Variants in DNAH17 observed in about 807,000 individuals in gnomAD.
DNAH17 encodes axonemal beta dynein heavy chain 17.
In DNAH17, 376 loss-of-function variants were observed where a neutral mutation model predicts 485.6. The observed-to-expected ratio is 0.77, with a 90% confidence interval of 0.71 to 0.84. DNAH17 has a LOEUF of 0.84. DNAH17 is among the 40% of genes least tolerant of loss of function. DNAH17 has a pLI of 0.00. For missense variants in DNAH17, 6,370 were observed against 5,839.3 expected, an observed-to-expected ratio of 1.09 and a Z score of -2.96; for synonymous variants, 3,031 against 2,405.9, an observed-to-expected ratio of 1.26 and a Z score of -7.60.
At chr17:78,453,827 A>G (rs1316484255) in intron 64 of DNAH17, among the ~76,000 whole-genome samples, 1 of 152,190 alleles carries the variant, frequency 6.6e-6, no homozygotes, top group African/African-American at 2.4e-5. Flanking sequence ...AGCTGGGACT[A>G]CAGGCTCATG....
At chr17:78,497,290 ACTCGCGGTAAAG>A (rs1287481741) in intron 37 of DNAH17, among the ~76,000 whole-genome samples, 1 of 151,938 alleles carries the variant, frequency 6.6e-6, no homozygotes, top group African/African-American at 2.4e-5. Flanking sequence ...GGGGCCCAAT[ACTCGCGGTAAAG>A]CTGCTCCCAG....
Position 78,494,808 on chromosome 17 carries a change from A to C in DNAH17, c.6055T>G (p.Trp2019Gly), listed in dbSNP as rs1362766219. Residue 2019 changes from tryptophan to glycine, a missense_variant, in exon 40 of 81, where the codon TGG (tryptophan) becomes GGG (glycine). Trp to Gly is a radical substitution (Grantham distance 184, BLOSUM62 -2). Coordinates refer to ENST00000389840, the MANE Select transcript of DNAH17 (RefSeq NM_173628.4). ...ACAGACTTGATGGCTCTCAGGCCCC[A>C]GTCGTAATGATCCTGCGGGCAGTGG... ...ELLSKQDHYD[W>G]GLRAIKSVLV... 1.2e-6 allele frequency: 2 copies of C among 1,607,020 alleles called. No individual in the cohort carries two copies. The highest frequency in any genetic ancestry group is 8.5e-7 in the Non-Finnish European group (1 of 1,175,578).
At chr17:78,543,095 G>A (rs866344494) in intron 17 of DNAH17, among the ~76,000 whole-genome samples, 1 of 145,262 alleles carries the variant, frequency 6.9e-6, no homozygotes, top group South Asian at 2.3e-4. Flanking sequence ...GATAAGGCTC[G>A]CTTGGATTAA....
rs1053167708 is a variant in DNAH17 at position 78,426,833 on chromosome 17, G to A, written c.12771+93C>T. 7 of 1,452,520 alleles carry A rather than the reference G, an allele frequency of 4.8e-6. No individual in the cohort carries two copies. In the African/African-American group the frequency reaches 9.9e-5, roughly 20 times the overall value. 90.0% of individuals were successfully genotyped at this position (1,452,520 alleles called of 1,614,324 possible). On this transcript the variant is annotated intron_variant, in intron 78 of 80. Coordinates refer to ENST00000389840, the MANE Select transcript of DNAH17 (RefSeq NM_173628.4). ...GAGGGAGCAGTACCATGCTGATCCG[G>A]GGCCTGTGCTAGGCCTGGGTTGCCA...
Position 78,462,944 on chromosome 17 carries a change from T to C in DNAH17, c.9074A>G (p.Lys3025Arg), listed in dbSNP as rs746652647. Residue 3025 changes from lysine (K) to arginine (R), a missense_variant, in exon 57 of 81, where the codon AAA (lysine) becomes AGA (arginine). Transcript: ENST00000389840. Reference sequence around the variant, plus strand: ...CTTGGCCAGCAGGTTCTGGTACAGTTTGATCTGCTCCAGAAAGGTTTTGGG... The same window carrying C: ...CTTGGCCAGCAGGTTCTGGTACAGTCTGATCTGCTCCAGAAAGGTTTTGGG... ...TTPKTFLEQI[K>R]LYQNLLAKKR... 1.5e-5 allele frequency: 24 copies of C among 1,613,900 alleles called. No homozygotes were observed. The highest frequency in any genetic ancestry group is 1.1e-4 in the East Asian group (5 of 44,898).
intron 75 of DNAH17, among the ~76,000 whole-genome samples, chr17:78,429,853 G>A (rs1002926198): frequency 2.0e-5 from 3 of 152,202 alleles, no homozygotes; most frequent in African/African-American, 4.8e-5. Flanking sequence ...CCCTGTGGAA[G>A]TAGAGTCCTT....
chr17:78,425,706 G>T, intron 79 of DNAH17, 135 bp from the exon 80 acceptor site: 1 of 710,486 alleles, frequency 1.4e-6, no homozygotes, highest in Non-Finnish European at 2.2e-6. Flanking sequence ...GCTGGACAGA[G>T]TAGGGGCCAT....
Position 78,558,119 on chromosome 17 carries a change from A to G in DNAH17, c.2167T>C (p.Trp723Arg), listed in dbSNP as rs1482224917. Residue 723 changes from tryptophan (W) to arginine (R), a missense_variant, in exon 14 of 81, where the codon TGG (tryptophan) becomes CGG (arginine). Trp to Arg is a moderately radical substitution (Grantham distance 101). Coordinates refer to ENST00000389840, the MANE Select transcript of DNAH17 (RefSeq NM_173628.4). ...FVGNLELIVG[W>R]YNEIKTIVKA... ...ACTCACCAACTCACCTCATTATACC[A>G]GCCAACGATGAGCTCCAGGTTGCCC... The G allele has an allele frequency of 6.2e-6, 10 of 1,613,454 alleles. No homozygotes were observed. In the South Asian group the frequency reaches 1.1e-4, roughly 18 times the overall value.
intron 25 of DNAH17, chr17:78,522,389 T>C: frequency 3.5e-6 from 1 of 285,364 alleles, no homozygotes; most frequent in African/African-American, 2.3e-5. Context: ...GAAGAGGGAC[T>C]TTTTAATATG....
intron 66 of DNAH17, among the ~76,000 whole-genome samples, 162 bp downstream of exon 66, chr17:78,451,307 C>G (rs569045208): frequency 1.3e-5 from 2 of 152,318 alleles, no homozygotes; most frequent in African/African-American, 4.8e-5. Context: ...GCCATCCTGT[C>G]GTATGAGAAG....
rs554359797 is a variant in DNAH17, at chr17:78,457,796, G to C, written c.9977+769C>G. Among the ~76,000 whole-genome samples the C allele has an allele frequency of 8.6e-5, 13 of 151,870 alleles. 1 individual carries two copies. In the South Asian group the frequency reaches 2.7e-3, roughly 32 times the overall value. ...CTCCCTCAGCCTCCCAAATAGCTGG[G>C]ATAACAGGCGACTGCCACCACACCC... On this transcript the variant is annotated intron_variant, in intron 62 of 80. Coordinates refer to ENST00000389840, the MANE Select transcript of DNAH17 (RefSeq NM_173628.4).
chr17:78,498,996 A>G lies in DNAH17; in HGVS notation c.5745+12T>C. On this transcript the variant is annotated intron_variant, in intron 37 of 80. Transcript: ENST00000389840. ...CCGACGTGACCCCGAGGCCGCAGGCAGGGGACTTTACCTGCACGGCAATCA... is the reference window on the plus strand; with the variant it reads ...CCGACGTGACCCCGAGGCCGCAGGCGGGGGACTTTACCTGCACGGCAATCA... 2 of 1,597,778 alleles carry G rather than the reference A, an allele frequency of 1.3e-6. No individual in the cohort carries two copies. Among genetic ancestry groups the G allele is most frequent in the Non-Finnish European group, 1.7e-6 (2 of 1,172,104 alleles).
At chr17:78,460,075 A>T in intron 59 of DNAH17, 74 bp from the exon 60 acceptor site, 1 of 1,591,922 alleles carries the variant, frequency 6.3e-7, no homozygotes, top group African/African-American at 1.3e-5. Flanking sequence ...AGAAGCCGCC[A>T]TGAGTGTGTC....
intron 71 of DNAH17, among the ~76,000 whole-genome samples, chr17:78,441,765 G>A (rs1320017571): frequency 6.6e-6 from 1 of 152,142 alleles, no homozygotes; most frequent in African/African-American, 2.4e-5. Flanking sequence ...TTACTGTAAT[G>A]TATAAAGAAT....
chr17:78,503,169 CTTTTT>C lies in DNAH17; in HGVS notation c.4957-163_4957-159del, dbSNP rs397856727. On this transcript the variant is annotated intron_variant, in intron 31 of 80. Coordinates refer to ENST00000389840, the MANE Select transcript of DNAH17 (RefSeq NM_173628.4). ...TTACAGAGCAGTAACAGTGACACAC[CTTTTT>C]TTTTTTTTTTTTTTTTTTTTTTTAA... 0.065 allele frequency: 8,287 copies of C among 127,126 alleles called. 97 individuals are homozygous for C. Among genetic ancestry groups the C allele is most frequent in the South Asian group, 0.13 (1,476 of 11,628 alleles). The allele number at this position is 127,126 out of a possible 1,614,324, so 7.9% of individuals were successfully genotyped here. A position where few individuals can be genotyped will look rare whatever the true frequency, so the allele number is the denominator to read the frequency against.
chr17:78,569,408 G>A lies in DNAH17; in HGVS notation c.1164C>T (p.Asp388=). 6.2e-7 allele frequency: 1 copy of A among 1,613,110 alleles called. No individual in the cohort carries two copies. Among genetic ancestry groups the A allele is most frequent in the Non-Finnish European group, 8.5e-7 (1 of 1,179,496 alleles). ...NVLKELYQTY[D]FCCVNMKLFF... is the part of the protein sequence containing the mutation. ...AAAGCTTCATGTTCACGCAGCAGAA[G>A]TCGTACGTCTGGTAGAGCTCCTTCA... Residue 388 remains aspartate, a synonymous_variant, in exon 8 of 81, where the codon GAC becomes GAT. Transcript: ENST00000389840.
At chr17:78,446,434 A>C (rs2087303932) in intron 69 of DNAH17, among the ~76,000 whole-genome samples, 1 of 152,004 alleles carries the variant, frequency 6.6e-6, no homozygotes, top group Non-Finnish European at 1.5e-5. Flanking sequence ...CCCCGTTTGC[A>C]TCTGGCATCT....
chr17:78,473,497 T>G (rs1376028158), intron 54 of DNAH17, among the ~76,000 whole-genome samples: 1 of 137,488 alleles, frequency 7.3e-6, no homozygotes, highest in Non-Finnish European at 1.5e-5. Context: ...TGAGCTGAGA[T>G]CGCGCCACTG....
chr17:78,472,258 T>G (rs1232649069), intron 54 of DNAH17, among the ~76,000 whole-genome samples: 3 of 146,018 alleles, frequency 2.1e-5, no homozygotes, highest in East Asian at 3.9e-4. Flanking sequence ...GTGCGAGGGT[T>G]AGGGTTAGGG....
Sources: gnomAD v4.1 joint callset for allele counts (sites outside exome capture counted in the v4.1 genomes callset) on GRCh38, gnomAD v4.1.1 for gene constraint, MANE v1.5 for transcripts, NCBI Gene and HGNC (gene_info 2026-07-23, HGNC 2026-07-21) for gene names.